HDX: variants seen among roughly 807,000 people sequenced by gnomAD.
The protein encoded by HDX is highly divergent homeobox.
In HDX, 19 loss-of-function variants were observed where a neutral mutation model predicts 45.2. That is an observed-to-expected ratio of 0.42 (90% CI 0.29 to 0.62). HDX has a LOEUF of 0.62. Among genes scored for constraint, HDX ranks in the 20% least tolerant of loss-of-function variants. The pLI, the probability that HDX is intolerant of heterozygous loss-of-function variation, is 0.20. For missense variants in HDX, 532 were observed against 493.9 expected, an observed-to-expected ratio of 1.08 and a Z score of -0.73; for synonymous variants, 188 against 172.8, an observed-to-expected ratio of 1.09 and a Z score of -0.69.
chrX:84,340,859 T>C (rs1263397920), intron 7 of HDX, among the ~76,000 whole-genome samples: 2 of 111,388 alleles, frequency 1.8e-5, no homozygotes, highest in African/African-American at 6.5e-5. Flanking sequence ...TTTTGATTCA[T>C]GCATTAAATT....
chrX:84,387,741 T>C (rs2147923250), intron 5 of HDX, among the ~76,000 whole-genome samples: 1 of 111,901 alleles, frequency 8.9e-6, no homozygotes, highest in East Asian at 2.8e-4. Context: ...TTGAAGACAA[T>C]AGATGGTTGA....
At chrX:84,384,464 C>A (rs1469161890) in intron 5 of HDX, among the ~76,000 whole-genome samples, 1 of 108,601 alleles carries the variant, frequency 9.2e-6, no homozygotes, top group Non-Finnish European at 1.9e-5. Flanking sequence ...TTTTCCCATT[C>A]TGTGGGTTGT....
chrX:84,374,206 T>C (rs375673672), intron 5 of HDX, among the ~76,000 whole-genome samples: 7 of 111,284 alleles, frequency 6.3e-5, no homozygotes, highest in African/African-American at 1.3e-4. Flanking sequence ...TTACAAGGGA[T>C]GTGAAGGACC....
intron 5 of HDX, among the ~76,000 whole-genome samples, chrX:84,424,515 C>G: frequency 9.0e-6 from 1 of 110,844 alleles, no homozygotes; most frequent in South Asian, 3.8e-4. Context: ...TTATCCTAAG[C>G]AAAGAGATTA....
intron 5 of HDX, among the ~76,000 whole-genome samples, chrX:84,426,041 C>A (rs2039376534): frequency 9.0e-6 from 1 of 110,888 alleles, no homozygotes; most frequent in South Asian, 3.8e-4. Flanking sequence ...GATTATTAAG[C>A]ATTGCATGCC....
At chrX:84,398,471 CAAAG>C (rs1439888067) in intron 5 of HDX, among the ~76,000 whole-genome samples, 1 of 111,420 alleles carries the variant, frequency 9.0e-6, no homozygotes, top group Non-Finnish European at 1.9e-5. Flanking sequence ...TCAAAGAAGG[CAAAG>C]AAAGGCATTA....
Position 84,321,868 on chromosome X carries a change from A to G in HDX, c.*21T>C. ...TGTTACGAAGCCAAAAGACTGTATC[A>G]TATATTCCCTCCAACTGAAATCACA... On this transcript the variant is annotated 3_prime_UTR_variant, in exon 11 of 11. Coordinates refer to ENST00000373177, the MANE Select transcript of HDX (RefSeq NM_001177479.2). 8.5e-7 allele frequency: 1 copy of G among 1,181,083 alleles called. No individual in the cohort carries two copies. Among genetic ancestry groups the G allele is most frequent in the Middle Eastern group, 2.4e-4 (1 of 4,212 alleles).
chrX:84,361,198 T>C (rs2037614268), intron 6 of HDX, among the ~76,000 whole-genome samples: 2 of 112,048 alleles, frequency 1.8e-5, no homozygotes. Flanking sequence ...TGGCAATATG[T>C]ATATCTTTTT....
chrX:84,354,964 T>C (rs868123283), intron 6 of HDX, among the ~76,000 whole-genome samples: 7 of 77,235 alleles, frequency 9.1e-5, no homozygotes, highest in African/African-American at 3.2e-4. Context: ...TATATATATA[T>C]ATATATATAC....
At chrX:84,334,900 ATG>A (rs760571301) in intron 8 of HDX, among the ~76,000 whole-genome samples, 220 of 107,622 alleles carry the variant, frequency 2.0e-3, no homozygotes, top group Non-Finnish European at 2.3e-3. Context: ...CCTACTCTGT[ATG>A]TGTGTGTGTG....
At chrX:84,382,955 A>G (rs1451025412) in intron 5 of HDX, among the ~76,000 whole-genome samples, 3 of 111,323 alleles carry the variant, frequency 2.7e-5, no homozygotes, top group Non-Finnish European at 5.7e-5. Context: ...AAAACATCTC[A>G]TGCGCCGCAT....
chrX:84,468,902 G>C lies in HDX; in HGVS notation c.821C>G (p.Pro274Arg). ...EVFSLAVSDYPQRILGGNAPQ... is the reference protein window; with the variant it reads ...EVFSLAVSDYRQRILGGNAPQ... ...GGCATTTCCTCCCAGAATTCTCTGG[G>C]GGTAATCGCTAACTGCCAATGAAAA... The change falls in exon 4 of 11, where the codon CCC becomes CGC. Residue 274 changes from proline (P) to arginine (R), a missense_variant. Physicochemically the swap from Pro to Arg is moderately radical, Grantham distance 103. Coordinates refer to ENST00000373177, the MANE Select transcript of HDX (RefSeq NM_001177479.2). The C allele has an allele frequency of 8.3e-7, 1 of 1,210,943 alleles. No homozygotes were observed. Among genetic ancestry groups the C allele is most frequent in the Non-Finnish European group, 1.1e-6 (1 of 894,889 alleles).
chrX:84,375,792 C>A (rs966373090), intron 5 of HDX, among the ~76,000 whole-genome samples: 1 of 109,841 alleles, frequency 9.1e-6, no homozygotes, highest in Non-Finnish European at 1.9e-5. Flanking sequence ...ATACCTAATG[C>A]TAAATGACGA....
chrX:84,437,697 C>T (rs751251315), intron 5 of HDX, among the ~76,000 whole-genome samples: 85 of 110,872 alleles, frequency 7.7e-4, no homozygotes, highest in African/African-American at 2.4e-3. Context: ...TAGTGTCCTT[C>T]GGTGGAAAAT....
At chrX:84,416,826 A>G (rs2039113712) in intron 5 of HDX, among the ~76,000 whole-genome samples, 1 of 111,484 alleles carries the variant, frequency 9.0e-6, no homozygotes. Context: ...TATTAATAAG[A>G]CCCTGCCCTA....
chrX:84,420,701 A>G (rs2039233350), intron 5 of HDX, among the ~76,000 whole-genome samples: 1 of 111,467 alleles, frequency 9.0e-6, no homozygotes, highest in South Asian at 3.8e-4. Flanking sequence ...TAAGAATCAA[A>G]CTCCCAAAGA....
chrX:84,433,832 T>C (rs1486734624), intron 5 of HDX, among the ~76,000 whole-genome samples: 1 of 111,873 alleles, frequency 8.9e-6, no homozygotes, highest in Non-Finnish European at 1.9e-5. Flanking sequence ...GGAATGTGTT[T>C]CTATTTATTT....
intron 5 of HDX, chrX:84,440,212 A>T: frequency 6.2e-6 from 1 of 160,362 alleles, no homozygotes; most frequent in South Asian, 1.9e-4. Context: ...GATATTTTAT[A>T]TAAATTATAA....
chrX:84,422,928 A>G (rs975303888), intron 5 of HDX, among the ~76,000 whole-genome samples: 8 of 110,479 alleles, frequency 7.2e-5, no homozygotes, highest in Middle Eastern at 4.7e-3. Context: ...TCGGCCTCCC[A>G]AAGTGCTGGG....
Sources: allele counts gnomAD v4.1 joint callset (sites outside exome capture counted in the v4.1 genomes callset), GRCh38; gene constraint gnomAD v4.1.1; transcripts MANE v1.5; gene names NCBI Gene and HGNC (gene_info 2026-07-23, HGNC 2026-07-21).